Variants in COBL observed in about 807,000 individuals in gnomAD.
The protein encoded by COBL is protein cordon-bleu.
Under a neutral mutation model 98.8 loss-of-function variants are expected in COBL, and 51 were observed. The observed-to-expected ratio is 0.52, with a 90% CI of 0.41 to 0.65. The LOEUF (loss-of-function observed/expected upper bound fraction) is 0.65. Among genes scored for constraint, COBL ranks in the 30% least tolerant of loss-of-function variants. COBL has a pLI of 0.00. For missense variants in COBL, 1,617 were observed against 1,617.5 expected, an observed-to-expected ratio of 1.00 and a Z score of 0.01; for synonymous variants, 634 against 651.7, an observed-to-expected ratio of 0.97 and a Z score of 0.41.
intron 1 of COBL, among the ~76,000 whole-genome samples, chr7:51,265,526 C>G (rs1798118555): frequency 6.6e-6 from 1 of 152,196 alleles, no homozygotes; most frequent in South Asian, 2.1e-4. Flanking sequence ...GAACTTATCT[C>G]AGTTCAAAGA....
chr7:51,054,899 T>G (rs1790588178), intron 7 of COBL, among the ~76,000 whole-genome samples: 1 of 152,162 alleles, frequency 6.6e-6, no homozygotes, highest in Admixed American at 6.5e-5. Flanking sequence ...AAAACATCGT[T>G]TCCTTTCCAC....
chr7:51,146,105 G>A (rs146489493), intron 5 of COBL, among the ~76,000 whole-genome samples: 1 of 152,118 alleles, frequency 6.6e-6, no homozygotes, highest in Non-Finnish European at 1.5e-5. Context: ...CATATGCATG[G>A]GTTTCACATG....
chr7:51,252,292 G>T (rs1796791636), intron 1 of COBL, among the ~76,000 whole-genome samples: 1 of 151,948 alleles, frequency 6.6e-6, no homozygotes, highest in Admixed American at 6.5e-5. Flanking sequence ...ACTGAGTTGC[G>T]GGACCATCAC....
At position 51,030,807 on chromosome 7, in the gene COBL, C is replaced by T. The variant is rs760228133; in HGVS notation, c.1504+5G>A. Reference sequence around the variant, plus strand: ...TATCAGAGTAGCGGATCAGGTGGTTCTTACCTTCCAGGTCTTCATCAAGTT... The same window carrying T: ...TATCAGAGTAGCGGATCAGGTGGTTTTTACCTTCCAGGTCTTCATCAAGTT... On this transcript the variant is annotated splice_donor_5th_base_variant and intron_variant, in intron 9 of 12. Transcript: ENST00000265136. 2.2e-5 allele frequency: 35 copies of T among 1,592,602 alleles called. No individual in the cohort carries two copies. The highest frequency in any genetic ancestry group is 3.3e-5 in the South Asian group (3 of 90,162).
intron 1 of COBL, among the ~76,000 whole-genome samples, chr7:51,284,138 A>G (rs1311465871): frequency 6.7e-6 from 1 of 149,052 alleles, no homozygotes; most frequent in East Asian, 2.0e-4. Context: ...ACAAAAAAAA[A>G]AAAAAAAAAA....
At chr7:51,112,425 A>C (rs1021673517) in intron 6 of COBL, among the ~76,000 whole-genome samples, 3 of 152,208 alleles carry the variant, frequency 2.0e-5, no homozygotes, top group Non-Finnish European at 4.4e-5. Context: ...ACTTATTAAC[A>C]CAATGTTACC....
intron 6 of COBL, among the ~76,000 whole-genome samples, chr7:51,108,344 C>T (rs1207672943): frequency 1.3e-5 from 2 of 152,146 alleles, no homozygotes; most frequent in Admixed American, 6.5e-5. Flanking sequence ...CAGTGGCACT[C>T]GGTGTGAATA....
intron 2 of COBL, among the ~76,000 whole-genome samples, chr7:51,213,681 G>A (rs1021697810): frequency 6.6e-6 from 1 of 152,084 alleles, no homozygotes; most frequent in South Asian, 2.1e-4. Flanking sequence ...GAGAGGCCTG[G>A]GTCCCGGGCC....
intron 1 of COBL, among the ~76,000 whole-genome samples, chr7:51,282,953 A>G (rs1455809931): frequency 6.6e-6 from 1 of 152,202 alleles, no homozygotes; most frequent in Non-Finnish European, 1.5e-5. Flanking sequence ...TACAGAATGC[A>G]TGGAGAAAGA....
At chr7:51,088,315 T>C (rs572010103) in intron 6 of COBL, among the ~76,000 whole-genome samples, 6 of 149,736 alleles carry the variant, frequency 4.0e-5, no homozygotes, top group Non-Finnish European at 8.9e-5. Context: ...TTTTCTTGAG[T>C]ACTCTTGCCT....
intron 5 of COBL, among the ~76,000 whole-genome samples, chr7:51,179,036 T>C (rs1392665478): frequency 6.6e-6 from 1 of 152,230 alleles, no homozygotes; most frequent in Non-Finnish European, 1.5e-5. Flanking sequence ...GCCTTTGACA[T>C]TTGACAAACT....
chr7:51,258,570 T>A (rs1228783243), intron 1 of COBL, among the ~76,000 whole-genome samples: 1 of 152,220 alleles, frequency 6.6e-6, no homozygotes, highest in Non-Finnish European at 1.5e-5. Context: ...TGACCCTTCC[T>A]TTCCAGCTTT....
intron 1 of COBL, among the ~76,000 whole-genome samples, chr7:51,266,088 T>C (rs942727365): frequency 6.6e-6 from 1 of 152,206 alleles, no homozygotes; most frequent in Non-Finnish European, 1.5e-5. Context: ...TTTAAGTAAT[T>C]AGTGACACAT....
intron 2 of COBL, among the ~76,000 whole-genome samples, chr7:51,203,512 A>G (rs933320475): frequency 4.0e-5 from 6 of 151,494 alleles, no homozygotes; most frequent in Non-Finnish European, 7.4e-5. Flanking sequence ...AAAAAGAGAG[A>G]AGACTTAAAA....
At chr7:51,121,435 C>T (rs1005320962) in intron 6 of COBL, among the ~76,000 whole-genome samples, 3 of 152,208 alleles carry the variant, frequency 2.0e-5, no homozygotes, top group Admixed American at 6.5e-5. Context: ...ACATAATTTG[C>T]AAATATCTTC....
At chr7:51,246,165 C>T (rs901391540) in intron 1 of COBL, among the ~76,000 whole-genome samples, 2 of 152,012 alleles carry the variant, frequency 1.3e-5, no homozygotes, top group Non-Finnish European at 2.9e-5. Context: ...AGCCTTAATG[C>T]AGAAAAGCAA....
intron 7 of COBL, among the ~76,000 whole-genome samples, chr7:51,044,819 G>A (rs1262247405): frequency 6.6e-6 from 1 of 152,190 alleles, no homozygotes; most frequent in Non-Finnish European, 1.5e-5. Context: ...TAACTGGACA[G>A]GAGACTAACA....
chr7:51,158,403 A>T (rs1322351051), intron 5 of COBL, among the ~76,000 whole-genome samples: 2 of 152,176 alleles, frequency 1.3e-5, no homozygotes, highest in Non-Finnish European at 2.9e-5. Flanking sequence ...CCTCACTCAC[A>T]CGCGTCCACA....
At chr7:51,079,232 A>T (rs550213105) in intron 7 of COBL, among the ~76,000 whole-genome samples, 2 of 152,084 alleles carry the variant, frequency 1.3e-5, no homozygotes, top group Non-Finnish European at 2.9e-5. Flanking sequence ...ATCCACGGAG[A>T]TTTTCACATC....
Sources: gnomAD v4.1 joint callset for allele counts (sites outside exome capture counted in the v4.1 genomes callset) on GRCh38, gnomAD v4.1.1 for gene constraint, MANE v1.5 for transcripts, NCBI Gene and HGNC (gene_info 2026-07-23, HGNC 2026-07-21) for gene names.